Variants in MGMT observed in about 807,000 individuals in gnomAD.
MGMT encodes the protein methylated-DNA--protein-cysteine methyltransferase.
Under a neutral mutation model 15.9 loss-of-function variants are expected in MGMT, and 14 were observed. The observed-to-expected ratio is 0.88, with a 90% CI of 0.58 to 1.37. MGMT has a LOEUF of 1.37. Among genes scored for constraint, MGMT ranks in the 40% most tolerant of loss-of-function variants. The pLI, the probability that MGMT is intolerant of heterozygous loss-of-function variation, is 0.00. For missense variants in MGMT, 282 were observed against 268.1 expected (o/e 1.05, Z -0.36); for synonymous variants, 130 against 118.2 (o/e 1.10, Z -0.65).
At chr10:129,643,362 T>G (rs1847349875) in intron 2 of MGMT, among the ~76,000 whole-genome samples, 1 of 152,162 alleles carries the variant, frequency 6.6e-6, no homozygotes, top group African/African-American at 2.4e-5. Context: ...AAATGTAACT[T>G]TGAGTTGCAG....
rs189775656 is a variant in MGMT, at chr10:129,673,147, G to A, written c.126-34748G>A. 8.1e-4 allele frequency among the ~76,000 whole-genome samples: 123 copies of A among 152,238 alleles called. No homozygotes were observed. The East Asian group carries it at 0.019, about 24-fold the overall frequency. ...TCTGTTGCCCCAGGGCAGTCACCTC[G>A]CAGGAATGGTGCTTCATCCCAGGGT... is the stretch of plus-strand genomic sequence containing the variant. On this transcript the variant is annotated intron_variant, in intron 2 of 4. Transcript: ENST00000651593.
chr10:129,743,719 C>T (rs1225506412), intron 3 of MGMT, among the ~76,000 whole-genome samples: 1 of 152,248 alleles, frequency 6.6e-6, no homozygotes, highest in Admixed American at 6.5e-5. Flanking sequence ...AGCTGACATG[C>T]TGAAACAAAT....
chr10:129,694,330 T>C (rs1848005255), intron 2 of MGMT: 1 of 152,304 alleles, frequency 6.6e-6, no homozygotes, highest in African/African-American at 2.4e-5. Flanking sequence ...AAATAAATGC[T>C]GCATTGTTTT....
intron 2 of MGMT, among the ~76,000 whole-genome samples, chr10:129,687,696 C>A (rs202247734): frequency 7.5e-6 from 1 of 133,542 alleles, no homozygotes; most frequent in Non-Finnish European, 1.6e-5. Flanking sequence ...ACATGTGTAG[C>A]CCTTTTTTTT....
At chr10:129,634,479 A>C (rs1415903421) in intron 2 of MGMT, among the ~76,000 whole-genome samples, 1 of 152,052 alleles carries the variant, frequency 6.6e-6, no homozygotes, top group East Asian at 1.9e-4. Flanking sequence ...GATTTCCTGA[A>C]GTTTTTCAAA....
At chr10:129,707,694 C>A (rs1848180822) in intron 2 of MGMT, among the ~76,000 whole-genome samples, 1 of 152,108 alleles carries the variant, frequency 6.6e-6, no homozygotes, top group Non-Finnish European at 1.5e-5. Flanking sequence ...TCCTGGGAGG[C>A]CTGAAGGTGG....
chr10:129,539,258 A>G (rs887030296), intron 2 of MGMT, among the ~76,000 whole-genome samples: 3 of 152,180 alleles, frequency 2.0e-5, no homozygotes, highest in African/African-American at 7.2e-5. Context: ...ATGTTTAGAT[A>G]TATGTGATCC....
intron 1 of MGMT, among the ~76,000 whole-genome samples, chr10:129,504,901 C>A (rs1845609382): frequency 6.6e-6 from 1 of 151,678 alleles, no homozygotes; most frequent in Non-Finnish European, 1.5e-5. Context: ...CTGATTTTGT[C>A]TAGCCTAGGT....
At chr10:129,613,531 C>G (rs79446530) in intron 2 of MGMT, among the ~76,000 whole-genome samples, 1 of 152,184 alleles carries the variant, frequency 6.6e-6, no homozygotes, top group South Asian at 2.1e-4. Context: ...CCCACCCCTC[C>G]CTGGAGTCTG....
chr10:129,479,807 G>A (rs565565558), intron 1 of MGMT, among the ~76,000 whole-genome samples: 6 of 151,998 alleles, frequency 3.9e-5, no homozygotes, highest in South Asian at 2.1e-4. Flanking sequence ...TGGAGTGGTG[G>A]GGTGGGATCT....
intron 1 of MGMT, among the ~76,000 whole-genome samples, chr10:129,471,260 C>T (rs1206674387): frequency 6.6e-6 from 1 of 152,170 alleles, no homozygotes; most frequent in South Asian, 2.1e-4. Context: ...GTTTAGAAAG[C>T]GCTTGCCTTA....
At chr10:129,482,815 A>T (rs2119638868) in intron 1 of MGMT, among the ~76,000 whole-genome samples, 1 of 152,276 alleles carries the variant, frequency 6.6e-6, no homozygotes, top group East Asian at 1.9e-4. Context: ...TAGAAAACAC[A>T]GTTGGGTCTC....
At chr10:129,707,798 CAGGTGTTTGCCCGTTTAGATGCAGT>C in intron 2 of MGMT, 72 bp from the exon 3 acceptor site, 2 of 1,518,666 alleles carry the variant, frequency 1.3e-6, no homozygotes, top group African/African-American at 1.4e-5. Context: ...GAAGCAGCCA[CAGGTGTTTGCCCGTTTAGATGCAGT>C]AGGTGTTTGC....
intron 3 of MGMT, among the ~76,000 whole-genome samples, chr10:129,708,618 A>G (rs1233516843): frequency 6.6e-6 from 1 of 152,236 alleles, no homozygotes; most frequent in Non-Finnish European, 1.5e-5. Context: ...TTTCCCAGAC[A>G]TTTCTTTTAA....
chr10:129,644,856 G>T (rs1319278878), intron 2 of MGMT, among the ~76,000 whole-genome samples: 1 of 152,150 alleles, frequency 6.6e-6, no homozygotes, highest in African/African-American at 2.4e-5. Flanking sequence ...TTTCATTTGT[G>T]TGGGTCTTAC....
intron 2 of MGMT, among the ~76,000 whole-genome samples, chr10:129,603,632 C>T (rs997178076): frequency 2.0e-5 from 3 of 152,170 alleles, no homozygotes; most frequent in African/African-American, 7.2e-5. Flanking sequence ...TATTATAGAG[C>T]AGAAATAGCA....
At chr10:129,522,870 C>T (rs1395495611) in intron 1 of MGMT, among the ~76,000 whole-genome samples, 1 of 152,190 alleles carries the variant, frequency 6.6e-6, no homozygotes, top group Non-Finnish European at 1.5e-5. Flanking sequence ...TGGCTTTGGC[C>T]ACCTTGCTTA....
chr10:129,757,163 A>C (rs973333226), intron 3 of MGMT, among the ~76,000 whole-genome samples: 4 of 152,236 alleles, frequency 2.6e-5, no homozygotes, highest in African/African-American at 9.6e-5. Context: ...ACCAGTTAAG[A>C]AATGGTTTCC....
chr10:129,520,451 C>T (rs1427437091), intron 1 of MGMT, among the ~76,000 whole-genome samples: 1 of 152,078 alleles, frequency 6.6e-6, no homozygotes, highest in Non-Finnish European at 1.5e-5. Flanking sequence ...GGTGCGAGTA[C>T]AGAGCCCCTG....
Sources: gnomAD v4.1 joint callset for allele counts (sites outside exome capture counted in the v4.1 genomes callset) on GRCh38, gnomAD v4.1.1 for gene constraint, MANE v1.5 for transcripts, NCBI Gene and HGNC (gene_info 2026-07-23, HGNC 2026-07-21) for gene names.